Variants in RERG observed in about 807,000 individuals in gnomAD.
The protein encoded by RERG is ras-related and estrogen-regulated growth inhibitor.
In RERG, 25 loss-of-function variants were observed where a neutral mutation model predicts 23.2. The observed-to-expected ratio is 1.08, with a 90% CI of 0.79 to 1.50. The LOEUF is 1.50. RERG is among the 40% of genes most tolerant of loss of function. The pLI is 0.00. For synonymous variants in RERG, 81 were observed against 89.1 expected (o/e 0.91, Z 0.51); for missense variants, 253 against 250.1 (o/e 1.01, Z -0.08).
At chr12:15,161,206 G>GAAAGAAAC (rs1864607420) in intron 2 of RERG, among the ~76,000 whole-genome samples, 1 of 143,442 alleles carries the variant, frequency 7.0e-6, no homozygotes, top group African/African-American at 2.6e-5. Context: ...AAGAAAGAAA[G>GAAAGAAAC]AAAGAAAGAA....
intron 2 of RERG, among the ~76,000 whole-genome samples, chr12:15,158,523 C>G (rs956418246): frequency 6.6e-6 from 1 of 152,112 alleles, no homozygotes; most frequent in African/African-American, 2.4e-5. Context: ...CTCAAGCGAT[C>G]CACCTACCTC....
intron 2 of RERG, among the ~76,000 whole-genome samples, chr12:15,131,432 T>C (rs557435137): frequency 1.3e-5 from 2 of 152,314 alleles, no homozygotes; most frequent in Non-Finnish European, 2.9e-5. Context: ...ATTTGTAAGG[T>C]ATTAAGCATT....
chr12:15,165,341 C>G (rs192290208), intron 2 of RERG, among the ~76,000 whole-genome samples: 1 of 149,654 alleles, frequency 6.7e-6, no homozygotes, highest in African/African-American at 2.4e-5. Flanking sequence ...TCTGCCAAGA[C>G]TTTTTTTTTT....
chr12:15,217,320 G>A (rs1397617806), intron 2 of RERG, 109 bp downstream of exon 2: 1 of 739,692 alleles, frequency 1.4e-6, no homozygotes, highest in African/African-American at 1.8e-5. Context: ...AGTAAGAAAT[G>A]AAAATAGGAG....
intron 2 of RERG, among the ~76,000 whole-genome samples, chr12:15,187,012 A>G (rs888720047): frequency 5.3e-5 from 8 of 152,166 alleles, no homozygotes; most frequent in African/African-American, 1.7e-4. Context: ...TTTGATTTCA[A>G]TTAAGATTCC....
At chr12:15,120,306 G>C (rs1163227520) in intron 3 of RERG, among the ~76,000 whole-genome samples, 1 of 151,832 alleles carries the variant, frequency 6.6e-6, no homozygotes, top group Non-Finnish European at 1.5e-5. Flanking sequence ...TTCCTAGACT[G>C]TGCACTCAAA....
chr12:15,179,595 C>A (rs1437998421), intron 2 of RERG, among the ~76,000 whole-genome samples: 1 of 152,176 alleles, frequency 6.6e-6, no homozygotes, highest in Non-Finnish European at 1.5e-5. Context: ...TAGGTTATAT[C>A]TTTCCCCCAA....
intron 2 of RERG, among the ~76,000 whole-genome samples, chr12:15,165,345 T>A (rs755620196): frequency 6.6e-6 from 1 of 152,234 alleles, no homozygotes; most frequent in African/African-American, 2.4e-5. Context: ...CCAAGACTTT[T>A]TTTTTTAACT....
chr12:15,191,617 C>A (rs946829747), intron 2 of RERG, among the ~76,000 whole-genome samples: 2 of 152,176 alleles, frequency 1.3e-5, no homozygotes, highest in African/African-American at 4.8e-5. Flanking sequence ...ACTCCATGAT[C>A]CAGCCAAGTT....
intron 2 of RERG, among the ~76,000 whole-genome samples, chr12:15,190,242 C>T (rs1312693597): frequency 6.6e-6 from 1 of 152,118 alleles, no homozygotes; most frequent in African/African-American, 2.4e-5. Context: ...GGCTTCCCTG[C>T]ACCACATTGG....
At chr12:15,123,793 G>A (rs2136090466) in intron 2 of RERG, among the ~76,000 whole-genome samples, 1 of 152,020 alleles carries the variant, frequency 6.6e-6, no homozygotes, top group South Asian at 2.1e-4. Context: ...GAAGTAAAAT[G>A]GTGGTATTGA....
chr12:15,132,527 TAA>T (rs1453370009), intron 2 of RERG, among the ~76,000 whole-genome samples: 1 of 152,214 alleles, frequency 6.6e-6, no homozygotes, highest in Non-Finnish European at 1.5e-5. Context: ...TGTGTAGACA[TAA>T]GTCATCAAAT....
chr12:15,209,344 G>A (rs1216403050), intron 2 of RERG, among the ~76,000 whole-genome samples: 1 of 152,086 alleles, frequency 6.6e-6, no homozygotes, highest in East Asian at 1.9e-4. Flanking sequence ...ATCCATCATT[G>A]GGCAGATGAA....
intron 2 of RERG, among the ~76,000 whole-genome samples, chr12:15,127,008 G>A (rs1863960323): frequency 6.6e-6 from 1 of 151,970 alleles, no homozygotes; most frequent in Non-Finnish European, 1.5e-5. Flanking sequence ...ATGAGCCACC[G>A]CGCCCGGCCC....
chr12:15,166,498 GA>G lies in RERG; in HGVS notation c.62-45380del, dbSNP rs1268824549. 4.0e-4 allele frequency among the ~76,000 whole-genome samples: 60 copies of G among 149,618 alleles called. No individual in the cohort carries two copies. The East Asian group carries it at 6.1e-3, about 15-fold the overall frequency. On this transcript the variant is annotated intron_variant, in intron 2 of 4. Coordinates refer to ENST00000256953, the MANE Select transcript of RERG (RefSeq NM_032918.3). Reference sequence around the variant, plus strand: ...TGATGATGATGATGATGATGATGATGATGGGGATGGTGGTGATGGTGGTGAT... The same window carrying G: ...TGATGATGATGATGATGATGATGATGTGGGGATGGTGGTGATGGTGGTGAT...
At chr12:15,179,348 G>C (rs1864893661) in intron 2 of RERG, among the ~76,000 whole-genome samples, 1 of 152,172 alleles carries the variant, frequency 6.6e-6, no homozygotes, top group Non-Finnish European at 1.5e-5. Flanking sequence ...ATGCAGTTTG[G>C]AGAAAGTCTG....
chr12:15,141,841 C>A (rs1307774389), intron 2 of RERG, among the ~76,000 whole-genome samples: 1 of 152,210 alleles, frequency 6.6e-6, no homozygotes, highest in East Asian at 1.9e-4. Flanking sequence ...GCTCCCTTAT[C>A]CAGCTATTAT....
At chr12:15,185,729 T>A (rs1864982045) in intron 2 of RERG, among the ~76,000 whole-genome samples, 1 of 151,866 alleles carries the variant, frequency 6.6e-6, no homozygotes, top group South Asian at 2.1e-4. Context: ...AAAACTATGC[T>A]CACTACCTGG....
chr12:15,138,624 T>C (rs528901773), intron 2 of RERG, among the ~76,000 whole-genome samples: 1 of 152,188 alleles, frequency 6.6e-6, no homozygotes, highest in Admixed American at 6.5e-5. Context: ...GTAGAGACTT[T>C]GGCATACTCT....
Sources: gnomAD v4.1 joint callset for allele counts (sites outside exome capture counted in the v4.1 genomes callset) on GRCh38, gnomAD v4.1.1 for gene constraint, MANE v1.5 for transcripts, NCBI Gene and HGNC (gene_info 2026-07-23, HGNC 2026-07-21) for gene names.